STAB2: variants seen among roughly 807,000 people sequenced by gnomAD.
STAB2 encodes stabilin-2.
STAB2 carries 288 observed loss-of-function variants against 338.1 expected under a neutral mutation model. The ratio of observed to expected loss-of-function variants is 0.85; its 90% CI spans 0.77 to 0.94. The LOEUF (loss-of-function observed/expected upper bound fraction) is 0.94. Among genes scored for constraint, STAB2 ranks in the 40% least tolerant of loss-of-function variants. STAB2 has a pLI of 0.00. For synonymous variants in STAB2, 1,202 were observed against 1,193.3 expected, an observed-to-expected ratio of 1.01 and a Z score of -0.15; for missense variants, 3,141 against 3,210.1, an observed-to-expected ratio of 0.98 and a Z score of 0.52.
intron 51 of STAB2, among the ~76,000 whole-genome samples, chr12:103,735,211 G>T (rs1882015575): frequency 6.6e-6 from 1 of 152,128 alleles, no homozygotes; most frequent in Non-Finnish European, 1.5e-5. Flanking sequence ...CATACGCTAA[G>T]ACTGCATCTT....
intron 65 of STAB2, 74 bp from the exon 66 acceptor site, chr12:103,761,226 T>C (rs1884511556): frequency 1.4e-6 from 2 of 1,427,512 alleles, no homozygotes; most frequent in Non-Finnish European, 9.8e-7. Context: ...CTTGGGAAAA[T>C]TGAACAACTT....
Position 103,601,448 on chromosome 12 carries a change from AG to A in STAB2, c.331+6941del, listed in dbSNP as rs533618490. Among the ~76,000 whole-genome samples, 329 of 152,216 alleles carry A rather than the reference AG, an allele frequency of 2.2e-3. 2 individuals are homozygous for A. The highest frequency in any genetic ancestry group is 7.5e-3 in the African/African-American group (310 of 41,536). The stretch of plus-strand genomic sequence containing the variant: ...ATCTACAAAAAATACAAAAATTAGC[AG>A]GGCATGGTCGTGGGTGCCTGTAATC... On this transcript the variant is annotated intron_variant, in intron 3 of 68. Coordinates refer to ENST00000388887, the MANE Select transcript of STAB2 (RefSeq NM_017564.10).
chr12:103,633,437 C>A (rs991713822), intron 6 of STAB2, among the ~76,000 whole-genome samples: 3 of 152,188 alleles, frequency 2.0e-5, no homozygotes, highest in Non-Finnish European at 2.9e-5. Flanking sequence ...AATTCCAGCA[C>A]TTTGGGAGGC....
At chr12:103,688,291 G>A (rs1171092749) in intron 28 of STAB2, 76 bp downstream of exon 28, 20 of 1,434,560 alleles carry the variant, frequency 1.4e-5, no homozygotes, top group Non-Finnish European at 2.0e-5. Context: ...ATAGAAAACC[G>A]AAAATGCAGC....
chr12:103,702,630 A>C (rs1387794593), intron 34 of STAB2, among the ~76,000 whole-genome samples: 1 of 152,210 alleles, frequency 6.6e-6, no homozygotes, highest in Non-Finnish European at 1.5e-5. Flanking sequence ...TATAACCATC[A>C]TTAGCCTTTC....
In STAB2 at chr12:103,730,102, T is replaced by G; in HGVS notation, c.5083-14T>G. The stretch of plus-strand genomic sequence containing the variant: ...CTTTGCACTCATTTCTTTTTTGTTT[T>G]TGGTTGATTTCAGAGCACGGTGTAT... On this transcript the variant is annotated splice_polypyrimidine_tract_variant and intron_variant, in intron 48 of 68. Transcript: ENST00000388887. 2.6e-6 allele frequency: 4 copies of G among 1,562,338 alleles called. No homozygotes were observed. The highest frequency in any genetic ancestry group is 1.7e-6 in the Non-Finnish European group (2 of 1,157,024).
intron 3 of STAB2, among the ~76,000 whole-genome samples, chr12:103,605,584 G>A (rs11111672): frequency 0.32 from 48,857 of 151,624 alleles, 10,018 homozygotes; most frequent in African/African-American, 0.58. Flanking sequence ...TACTCTAACT[G>A]TATATTTACC....
intron 64 of STAB2, 40 bp downstream of exon 64, chr12:103,758,329 G>A (rs755760304): frequency 3.7e-6 from 6 of 1,607,536 alleles, no homozygotes; most frequent in Non-Finnish European, 5.1e-6. Flanking sequence ...AGACTAGCAT[G>A]TTATCTATCA....
rs144116286 is a variant in STAB2 at position 103,642,721 on chromosome 12, C to T, written c.1040+2465C>T. Among the ~76,000 whole-genome samples the T allele has an allele frequency of 6.6e-3, 1,012 of 152,274 alleles. 10 individuals are homozygous for T. The highest frequency in any genetic ancestry group is 0.023 in the African/African-American group (967 of 41,552). ...GCTACTCCAGGGCAAGGAATCTGAACGTCCAAAGGGGCATGCTCCCCAAGA... is the reference window on the plus strand; with the variant it reads ...GCTACTCCAGGGCAAGGAATCTGAATGTCCAAAGGGGCATGCTCCCCAAGA... On this transcript the variant is annotated intron_variant, in intron 9 of 68. Coordinates refer to ENST00000388887, the MANE Select transcript of STAB2 (RefSeq NM_017564.10).
At chr12:103,741,859 T>TAATCTCCATTCA (rs1882611337) in intron 55 of STAB2, among the ~76,000 whole-genome samples, 6 of 152,214 alleles carry the variant, frequency 3.9e-5, no homozygotes, top group Non-Finnish European at 4.4e-5. Context: ...TTTACTAGCA[T>TAATCTCCATTCA]GCATACTCCA....
intron 6 of STAB2, among the ~76,000 whole-genome samples, chr12:103,632,107 G>A (rs1957472994): frequency 6.6e-6 from 1 of 152,116 alleles, no homozygotes; most frequent in African/African-American, 2.4e-5. Flanking sequence ...AAGAGGAAAG[G>A]GTGCTTCACC....
In STAB2 at chr12:103,683,271, T is replaced by C. The variant is rs772589896; in HGVS notation, c.2872T>C (p.Leu958=). 1 of 1,612,616 alleles carries C rather than the reference T, an allele frequency of 6.2e-7. No homozygotes were observed. Among genetic ancestry groups the C allele is most frequent in the Middle Eastern group, 1.7e-4 (1 of 6,054 alleles). The part of the protein sequence containing the change: ...GIDCEPITSC[L]EQTGKCHPLA... ...TGACTGTGAACCAATAACTTCATGC[T>C]TGGAACAAACCGGGAAATGTCATCC... The change falls in exon 26 of 69, where the codon TTG becomes CTG. Residue 958 remains leucine, a synonymous_variant. Transcript: ENST00000388887.
chr12:103,760,973 T>C (rs915652233), intron 65 of STAB2, among the ~76,000 whole-genome samples: 1 of 144,768 alleles, frequency 6.9e-6, no homozygotes, highest in African/African-American at 2.6e-5. Context: ...GTTCAGTGCA[T>C]GGACGCAGCG....
intron 34 of STAB2, among the ~76,000 whole-genome samples, chr12:103,700,086 T>C (rs530203691): frequency 6.6e-6 from 1 of 152,326 alleles, no homozygotes; most frequent in African/African-American, 2.4e-5. Flanking sequence ...ACCACACTGG[T>C]ATTCTAGTGT....
intron 49 of STAB2, 116 bp downstream of exon 49, chr12:103,730,372 T>C: frequency 8.3e-7 from 1 of 1,207,702 alleles, no homozygotes; most frequent in Non-Finnish European, 1.2e-6. Context: ...AATCTCAAGC[T>C]ATTATTAAAA....
chr12:103,717,793 A>C lies in STAB2; in HGVS notation c.4635A>C (p.Ala1545=). 1 of 1,614,136 alleles carries C rather than the reference A, an allele frequency of 6.2e-7. No homozygotes were observed. The highest frequency in any genetic ancestry group is 8.5e-7 in the Non-Finnish European group (1 of 1,180,006). The part of the protein sequence containing the change: ...PNQAACNCLP[A]YTGDGKVCTL... ...AGGCTGCCTGTAACTGTTTGCCAGCATACACTGGAGATGGAAAGGTCTGCA... is the reference window on the plus strand; with the variant it reads ...AGGCTGCCTGTAACTGTTTGCCAGCCTACACTGGAGATGGAAAGGTCTGCA... Residue 1545 remains alanine (A), a synonymous_variant, in exon 44 of 69, where the codon GCA becomes GCC. Coordinates refer to ENST00000388887, the MANE Select transcript of STAB2 (RefSeq NM_017564.10).
chr12:103,677,029 GCTC>G (rs1288660308), intron 24 of STAB2, among the ~76,000 whole-genome samples: 1 of 152,168 alleles, frequency 6.6e-6, no homozygotes, highest in East Asian at 1.9e-4. Flanking sequence ...TCCTGGTGAG[GCTC>G]CTCCTGAGAG....
chr12:103,708,523 G>T lies in STAB2; in HGVS notation c.4275G>T (p.Val1425=). The T allele has an allele frequency of 6.2e-7, 1 of 1,614,012 alleles. No homozygotes were observed. Among genetic ancestry groups the T allele is most frequent in the Non-Finnish European group, 8.5e-7 (1 of 1,179,900 alleles). ...ACTGTGATGTTGGCTGGCGAGGAGT[G>T]CATTGTGACAATGGTAAGAGTGAGG... ...SCDCDVGWRG[V]HCDNATTEDN... The change falls in exon 39 of 69, where the codon GTG becomes GTT. Residue 1425 remains valine (V), a synonymous_variant. Transcript: ENST00000388887.
At chr12:103,589,077 A>G (rs540685749) in intron 1 of STAB2, among the ~76,000 whole-genome samples, 2 of 152,372 alleles carry the variant, frequency 1.3e-5, no homozygotes, top group African/African-American at 4.8e-5. Context: ...AGCTAAAATG[A>G]GGATGATGAT....
Sources: gnomAD v4.1 joint callset for allele counts (sites outside exome capture counted in the v4.1 genomes callset) on GRCh38, gnomAD v4.1.1 for gene constraint, MANE v1.5 for transcripts, NCBI Gene and HGNC (gene_info 2026-07-23, HGNC 2026-07-21) for gene names.